Variants in FRMD8 observed in about 807,000 individuals in gnomAD.
FRMD8 encodes FERM domain containing 8.
A neutral mutation model predicts 54.2 loss-of-function variants in FRMD8; 37 were observed. That is an observed-to-expected ratio of 0.68 (90% CI 0.53 to 0.90). The LOEUF is 0.90. Among genes scored for constraint, FRMD8 ranks in the 40% least tolerant of loss-of-function variants. The pLI is 0.00. For synonymous variants in FRMD8, 246 were observed against 286.9 expected, an observed-to-expected ratio of 0.86 and a Z score of 1.44; for missense variants, 585 against 653.7, an observed-to-expected ratio of 0.89 and a Z score of 1.15.
chr11:65,389,255 T>C, intron 2 of FRMD8, 106 bp from the exon 3 acceptor site: 3 of 1,073,606 alleles, frequency 2.8e-6, no homozygotes, highest in Non-Finnish European at 4.2e-6. Flanking sequence ...CTGAGGGGTG[T>C]AGGGTGGGGG....
chr11:65,383,266 A>G (rs1157356282), upstream of FRMD8: 1 of 151,706 alleles, frequency 6.6e-6, no homozygotes, highest in Non-Finnish European at 1.5e-5. Flanking sequence ...GAACCCACCC[A>G]CCCCTGCTGC....
upstream of FRMD8, among the ~76,000 whole-genome samples, chr11:65,386,046 T>C (rs1263413317): frequency 6.6e-6 from 1 of 152,026 alleles, no homozygotes; most frequent in Non-Finnish European, 1.5e-5. Flanking sequence ...TCCGCCCGCC[T>C]CGGCCTCCCA....
At chr11:65,371,071 T>C in the FRMD8 span, among the ~76,000 whole-genome samples, 1 of 152,186 alleles carries the variant, frequency 6.6e-6, no homozygotes, top group African/African-American at 2.4e-5. Flanking sequence ...CATCTAAGGA[T>C]GTGTGACCAG....
chr11:65,398,212 T>G (rs1192768015), intron 7 of FRMD8, among the ~76,000 whole-genome samples: 2 of 152,146 alleles, frequency 1.3e-5, no homozygotes, highest in Admixed American at 6.5e-5. Flanking sequence ...TTGGCCAGGC[T>G]GGTCTGGAAC....
At chr11:65,409,127 C>T (rs746147648) in intron 10 of FRMD8, among the ~76,000 whole-genome samples, 5 of 151,974 alleles carry the variant, frequency 3.3e-5, no homozygotes, top group Admixed American at 6.6e-5. Flanking sequence ...GCTCTGTTGC[C>T]CAGGCTGGAG....
At position 65,394,051 on chromosome 11, in the gene FRMD8, C is replaced by T. The variant is rs1401937255; in HGVS notation, c.366C>T (p.Phe122=). 5 of 1,614,028 alleles carry T rather than the reference C, an allele frequency of 3.1e-6. No individual in the cohort carries two copies. The highest frequency in any genetic ancestry group is 4.2e-6 in the Non-Finnish European group (5 of 1,179,992). ...PDDDVAMDEP[F]LQFRRNVFFP... is the part of the protein sequence containing the mutation. The stretch of plus-strand genomic sequence containing the variant: ...AGCCTCTCTCCCCAGATGAGCCTTT[C>T]CTGCAGTTCCGAAGGAACGTGTTCT... Residue 122 remains phenylalanine, a synonymous_variant, in exon 5 of 11, where the codon TTC becomes TTT. Transcript: ENST00000317568.
At chr11:65,370,832 A>G in the FRMD8 span, among the ~76,000 whole-genome samples, 4 of 152,170 alleles carry the variant, frequency 2.6e-5, no homozygotes, top group African/African-American at 9.7e-5. Context: ...TGGGAGGCTG[A>G]GACAGGAGGA....
chr11:65,395,527 G>A (rs143036654), intron 6 of FRMD8, among the ~76,000 whole-genome samples: 334 of 152,254 alleles, frequency 2.2e-3, no homozygotes, highest in African/African-American at 7.6e-3. Context: ...CAACAAGAGC[G>A]AAACTCCGTC....
At chr11:65,406,051 G>T (rs376398269) in intron 10 of FRMD8, among the ~76,000 whole-genome samples, 2 of 151,178 alleles carry the variant, frequency 1.3e-5, no homozygotes, top group South Asian at 4.2e-4. Flanking sequence ...TTTTTGAGAC[G>T]GAGTCTCACT....
At chr11:65,368,763 C>G in the FRMD8 span, among the ~76,000 whole-genome samples, 4 of 151,770 alleles carry the variant, frequency 2.6e-5, no homozygotes, top group African/African-American at 9.7e-5. Flanking sequence ...CAGGGTTTCA[C>G]CATGTTAGCC....
chr11:65,403,598 A>C (rs1856127329), intron 9 of FRMD8, among the ~76,000 whole-genome samples: 1 of 152,054 alleles, frequency 6.6e-6, no homozygotes, highest in Non-Finnish European at 1.5e-5. Flanking sequence ...TCTGACCCCC[A>C]GTGTAGGATG....
chr11:65,399,678 G>A, intron 7 of FRMD8, 58 bp from the exon 8 acceptor site: 1 of 1,591,128 alleles, frequency 6.3e-7, no homozygotes, highest in South Asian at 1.1e-5. Flanking sequence ...GGGGCCTCGA[G>A]CAGCCTCCCT....
chr11:65,403,168 G>C (rs1856117978), intron 9 of FRMD8, among the ~76,000 whole-genome samples: 1 of 151,822 alleles, frequency 6.6e-6, no homozygotes, highest in Non-Finnish European at 1.5e-5. Context: ...ATGAGCCCCT[G>C]TGTCTGCCTT....
At chr11:65,373,192 G>A in the FRMD8 span, among the ~76,000 whole-genome samples, 4 of 152,086 alleles carry the variant, frequency 2.6e-5, no homozygotes, top group East Asian at 5.8e-4. Context: ...AGCCGAGATC[G>A]TGCCACCGCA....
upstream of FRMD8, among the ~76,000 whole-genome samples, chr11:65,384,160 G>A (rs1262976314): frequency 2.6e-5 from 4 of 152,090 alleles, no homozygotes; most frequent in African/African-American, 7.2e-5. Flanking sequence ...GCCCACCTAA[G>A]CATGGCGTCA....
chr11:65,411,095 G>A (rs1409047745), intron 10 of FRMD8, 147 bp from the exon 11 acceptor site: 19 of 591,962 alleles, frequency 3.2e-5, no homozygotes, highest in African/African-American at 7.6e-5. Context: ...CATGCTGAGC[G>A]GGGCTGAGGC....
At chr11:65,375,760 A>G in the FRMD8 span, 5 of 152,364 alleles carry the variant, frequency 3.3e-5, no homozygotes, top group African/African-American at 1.2e-4. Flanking sequence ...GGAGTCTCAG[A>G]GCTCCTTAAG....
intron 2 of FRMD8, among the ~76,000 whole-genome samples, chr11:65,388,991 G>A (rs1449966490): frequency 6.6e-6 from 1 of 152,208 alleles, no homozygotes; most frequent in Non-Finnish European, 1.5e-5. Context: ...GCATGTTCTT[G>A]TTCAGGGCAG....
chr11:65,380,028 A>G, the FRMD8 span: 1 of 1,584,748 alleles, frequency 6.3e-7, no homozygotes. Context: ...GCCAACCAGC[A>G]GGAGAGGCAG....
Sources: allele counts gnomAD v4.1 joint callset (sites outside exome capture counted in the v4.1 genomes callset), GRCh38; gene constraint gnomAD v4.1.1; transcripts MANE v1.5; gene names NCBI Gene and HGNC (gene_info 2026-07-23, HGNC 2026-07-21).